Variants in GUCY1A1 observed in about 807,000 individuals in gnomAD.
GUCY1A1 encodes the protein guanylate cyclase 1 soluble subunit alpha 1.
In GUCY1A1, 48 loss-of-function variants were observed where a neutral mutation model predicts 64.5. The observed-to-expected ratio is 0.74, with a 90% CI of 0.59 to 0.95. The LOEUF is 0.95. GUCY1A1 is among the 40% of genes least tolerant of loss of function. The probability of loss-of-function intolerance (pLI) is 0.00; values close to 1 mark genes in which losing one functional copy is unlikely to be tolerated. For missense variants in GUCY1A1, 804 were observed against 825.3 expected (o/e 0.97, Z 0.32); for synonymous variants, 308 against 303.4 (o/e 1.02, Z -0.16).
At chr4:155,673,942 T>C (rs1338029717) in intron 2 of GUCY1A1, among the ~76,000 whole-genome samples, 1 of 151,712 alleles carries the variant, frequency 6.6e-6, no homozygotes, top group Middle Eastern at 3.4e-3. Flanking sequence ...GAATAATTAC[T>C]TGCTGAATTT....
intron 3 of GUCY1A1, among the ~76,000 whole-genome samples, chr4:155,700,195 A>C (rs1413434818): frequency 6.6e-6 from 1 of 152,158 alleles, no homozygotes; most frequent in South Asian, 2.1e-4. Flanking sequence ...CCACAGTCAA[A>C]GCAAATCAGA....
chr4:155,689,970 C>T (rs1729523798), intron 2 of GUCY1A1, among the ~76,000 whole-genome samples: 1 of 152,012 alleles, frequency 6.6e-6, no homozygotes, highest in African/African-American at 2.4e-5. Context: ...AGATGCAGTC[C>T]GTTAGGAAGG....
In GUCY1A1 at chr4:155,717,209, G is replaced by C; in HGVS notation, c.1623G>C (p.Glu541Asp). 1 of 1,587,410 alleles carries C rather than the reference G, an allele frequency of 6.3e-7. No individual in the cohort carries two copies. Among genetic ancestry groups the C allele is most frequent in the South Asian group, 1.1e-5 (1 of 87,030 alleles). Residue 541 changes from glutamate (E) to aspartate (D), a missense_variant, in exon 8 of 10, where the codon GAG (glutamate) becomes GAC (aspartate). By Grantham distance (45) the Glu-to-Asp change is conservative. Coordinates refer to ENST00000506455, the MANE Select transcript of GUCY1A1 (RefSeq NM_001130682.3). ...AYCVAGGLHK[E>D]SDTHAVQIAL... Reference sequence around the variant, plus strand: ...GTGTAGCTGGGGGATTACACAAAGAGAGTGATACTCATGCTGTTCAGATAG... The same window carrying C: ...GTGTAGCTGGGGGATTACACAAAGACAGTGATACTCATGCTGTTCAGATAG...
rs377376145 is a variant in GUCY1A1 at position 155,710,726 on chromosome 4, C to G, written c.561C>G (p.Asp187Glu). The G allele has an allele frequency of 1.9e-6, 3 of 1,614,028 alleles. No homozygotes were observed. Among genetic ancestry groups the G allele is most frequent in the South Asian group, 1.1e-5 (1 of 91,074 alleles). ...CAGGAAAAAGGGGCAGGCTTGAGGACGCCTCCATTCTATGCCTGGATAAGG... is the reference window on the plus strand; with the variant it reads ...CAGGAAAAAGGGGCAGGCTTGAGGAGGCCTCCATTCTATGCCTGGATAAGG... ...QEAGKRGRLE[D>E]ASILCLDKED... is the part of the protein sequence containing the mutation. Residue 187 changes from aspartate to glutamate, a missense_variant, in exon 6 of 10, where the codon GAC (aspartate) becomes GAG (glutamate). Coordinates refer to ENST00000506455, the MANE Select transcript of GUCY1A1 (RefSeq NM_001130682.3).
At position 155,675,786 on chromosome 4, in the gene GUCY1A1, A is replaced by G. The variant is rs755726620; in HGVS notation, c.-113+8367A>G. Among the ~76,000 whole-genome samples the G allele has an allele frequency of 9.9e-5, 15 of 151,718 alleles. 1 individual carries two copies. In the East Asian group the frequency reaches 2.9e-3, roughly 29 times the overall value. On this transcript the variant is annotated intron_variant, in intron 2 of 9. Coordinates refer to ENST00000506455, the MANE Select transcript of GUCY1A1 (RefSeq NM_001130682.3). ...AGAACAAATTATCCTAATTAAAGTCACTGCTTTTCTTCTCTTCTCTCTCTC... is the reference window on the plus strand; with the variant it reads ...AGAACAAATTATCCTAATTAAAGTCGCTGCTTTTCTTCTCTTCTCTCTCTC...
Position 155,697,129 on chromosome 4 carries a change from G to C in GUCY1A1, c.255+7G>C. 2.5e-6 allele frequency: 4 copies of C among 1,604,914 alleles called. No individual in the cohort carries two copies. Among genetic ancestry groups the C allele is most frequent in the Non-Finnish European group, 3.4e-6 (4 of 1,173,260 alleles). The stretch of plus-strand genomic sequence containing the variant: ...CAAACTGATTTTCCCAGAGGTGAGT[G>C]CGTGCTCTTTAGATTTTGAAATTGT... On this transcript the variant is annotated splice_region_variant and intron_variant, in intron 3 of 9. Transcript: ENST00000506455.
At chr4:155,717,362 A>AC in intron 8 of GUCY1A1, 60 bp downstream of exon 8, 1 of 1,278,434 alleles carries the variant, frequency 7.8e-7, no homozygotes, top group Non-Finnish European at 1.0e-6. Context: ...ATAGTTGATT[A>AC]CCAAAACCAT....
intron 2 of GUCY1A1, among the ~76,000 whole-genome samples, chr4:155,673,254 G>T (rs1734404232): frequency 6.6e-6 from 1 of 151,342 alleles, no homozygotes; most frequent in South Asian, 2.1e-4. Flanking sequence ...GTTTATTATG[G>T]ATTATGCTTG....
intron 4 of GUCY1A1, among the ~76,000 whole-genome samples, chr4:155,707,752 G>A (rs1731976345): frequency 6.6e-6 from 1 of 151,900 alleles, no homozygotes; most frequent in African/African-American, 2.4e-5. Flanking sequence ...GATGGTATAT[G>A]TCATTGCTCC....
chr4:155,735,755 C>T lies in GUCY1A1; in HGVS notation c.*5524C>T, dbSNP rs1218250371. 1 of 151,836 alleles carries T rather than the reference C, an allele frequency of 6.6e-6. No individual in the cohort carries two copies. Among genetic ancestry groups the T allele is most frequent in the African/African-American group, 2.4e-5 (1 of 41,364 alleles). 9.4% of individuals were successfully genotyped at this position (151,836 alleles called of 1,614,324 possible). On this transcript the variant is annotated 3_prime_UTR_variant, in exon 10 of 10. Coordinates refer to ENST00000506455, the MANE Select transcript of GUCY1A1 (RefSeq NM_001130682.3). Reference sequence around the variant, plus strand: ...AAAGTGAAAACAAAACAAAGCAAAACAAAAATGCTATTACAGAAGTTGGAC... The same window carrying T: ...AAAGTGAAAACAAAACAAAGCAAAATAAAAATGCTATTACAGAAGTTGGAC...
intron 9 of GUCY1A1, 155 bp downstream of exon 9, chr4:155,722,347 T>G: frequency 7.0e-7 from 1 of 1,430,400 alleles, no homozygotes; most frequent in Non-Finnish European, 9.1e-7. Context: ...ACTTTAACTT[T>G]TTTACACTGC....
intron 4 of GUCY1A1, among the ~76,000 whole-genome samples, chr4:155,706,795 T>A (rs938362764): frequency 9.8e-5 from 15 of 152,324 alleles, no homozygotes; most frequent in African/African-American, 3.6e-4. Context: ...TTGGACAAAC[T>A]AAGCTTCGCT....
intron 9 of GUCY1A1, among the ~76,000 whole-genome samples, 179 bp from the exon 10 acceptor site, chr4:155,729,851 G>A (rs1007301640): frequency 4.6e-5 from 7 of 151,716 alleles, no homozygotes; most frequent in Non-Finnish European, 1.0e-4. Context: ...TTCTTGTTGT[G>A]AATTGATTCT....
chr4:155,718,484 C>A (rs575037406), intron 8 of GUCY1A1, among the ~76,000 whole-genome samples: 16 of 152,220 alleles, frequency 1.1e-4, no homozygotes, highest in African/African-American at 3.6e-4. Context: ...TAAGTCATAG[C>A]AGGAATACCT....
At chr4:155,672,143 A>G (rs1704743596) in intron 2 of GUCY1A1, among the ~76,000 whole-genome samples, 1 of 152,134 alleles carries the variant, frequency 6.6e-6, no homozygotes, top group South Asian at 2.1e-4. Flanking sequence ...TTTTACAAAT[A>G]CTTACTGCAA....
chr4:155,714,914 ACGG>A (rs1733037455), intron 7 of GUCY1A1, among the ~76,000 whole-genome samples: 1 of 152,166 alleles, frequency 6.6e-6, no homozygotes, highest in Non-Finnish European at 1.5e-5. Context: ...CTATCTTGAG[ACGG>A]TCTCCTGTCT....
intron 2 of GUCY1A1, among the ~76,000 whole-genome samples, chr4:155,679,335 C>T (rs1032884348): frequency 6.6e-6 from 1 of 151,932 alleles, no homozygotes; most frequent in African/African-American, 2.4e-5. Flanking sequence ...AAAGAATACC[C>T]GAAGTTGGAT....
At chr4:155,717,333 G>A in intron 8 of GUCY1A1, 31 bp downstream of exon 8, 2 of 1,482,766 alleles carry the variant, frequency 1.3e-6, no homozygotes, top group Middle Eastern at 1.8e-4. Flanking sequence ...TCCAAAAGAT[G>A]TCACAAGAGC....
intron 7 of GUCY1A1, among the ~76,000 whole-genome samples, chr4:155,715,448 C>G (rs1733103021): frequency 6.6e-6 from 1 of 152,112 alleles, no homozygotes; most frequent in South Asian, 2.1e-4. Context: ...TACTGGTTAT[C>G]CAGCATTTGC....
Sources: gnomAD v4.1 joint callset for allele counts (sites outside exome capture counted in the v4.1 genomes callset) on GRCh38, gnomAD v4.1.1 for gene constraint, MANE v1.5 for transcripts, NCBI Gene and HGNC (gene_info 2026-07-23, HGNC 2026-07-21) for gene names.